CSMD1: variants seen among roughly 807,000 people sequenced by gnomAD.
CSMD1 encodes CUB and sushi domain-containing protein 1.
Under a neutral mutation model 417.5 loss-of-function variants are expected in CSMD1, and 213 were observed. The ratio of observed to expected loss-of-function variants is 0.51; its 90% CI spans 0.46 to 0.57. CSMD1 has a LOEUF of 0.57. Among genes scored for constraint, CSMD1 ranks in the 20% least tolerant of loss-of-function variants. The pLI, the probability that CSMD1 is intolerant of heterozygous loss-of-function variation, is 0.00. For missense variants in CSMD1, 6,923 were observed against 4,529.7 expected (o/e 1.53, Z -15.17); for synonymous variants, 2,862 against 1,736.8 (o/e 1.65, Z -16.11).
intron 5 of CSMD1, among the ~76,000 whole-genome samples, chr8:3,932,813 A>G (rs1404139391): frequency 6.6e-6 from 1 of 150,510 alleles, no homozygotes; most frequent in African/African-American, 2.5e-5. Flanking sequence ...ATAAAAAGTT[A>G]CTAATATATT....
chr8:4,263,623 T>C (rs997611102), intron 3 of CSMD1, among the ~76,000 whole-genome samples: 2 of 152,150 alleles, frequency 1.3e-5, no homozygotes, highest in Non-Finnish European at 1.5e-5. Context: ...AATTGTCAAA[T>C]AGGAAACCAT....
intron 3 of CSMD1, among the ~76,000 whole-genome samples, chr8:4,335,663 G>C (rs1030279749): frequency 6.6e-6 from 1 of 152,090 alleles, no homozygotes; most frequent in Non-Finnish European, 1.5e-5. Flanking sequence ...GTTGCTGGGA[G>C]CATGAAGTAT....
At chr8:3,817,305 G>C (rs945590979) in intron 5 of CSMD1, among the ~76,000 whole-genome samples, 3 of 88,158 alleles carry the variant, frequency 3.4e-5, no homozygotes, top group Non-Finnish European at 6.6e-5. Context: ...TTTTGAGATG[G>C]AGTCTCGCTG....
At chr8:4,028,346 A>C (rs1242185878) in intron 4 of CSMD1, among the ~76,000 whole-genome samples, 1 of 152,108 alleles carries the variant, frequency 6.6e-6, no homozygotes, top group East Asian at 1.9e-4. Flanking sequence ...CCTACTTATG[A>C]AGATTAAATT....
chr8:4,832,144 G>A (rs1800192312), intron 1 of CSMD1, among the ~76,000 whole-genome samples: 1 of 152,066 alleles, frequency 6.6e-6, no homozygotes, highest in South Asian at 2.1e-4. Flanking sequence ...CTGTTTTCCT[G>A]GTATTTTAAT....
chr8:3,476,996 A>C (rs995339178), intron 11 of CSMD1, among the ~76,000 whole-genome samples: 1 of 152,062 alleles, frequency 6.6e-6, no homozygotes, highest in East Asian at 1.9e-4. Context: ...GGGATACTAC[A>C]GTATTTTGAA....
chr8:4,784,068 G>A (rs1457184), intron 1 of CSMD1, among the ~76,000 whole-genome samples: 13,570 of 152,114 alleles, frequency 0.089, 747 homozygotes, highest in East Asian at 0.28. Context: ...TATTTTTGAG[G>A]GATTGTCATA....
chr8:3,854,646 A>G (rs1372121308), intron 5 of CSMD1, among the ~76,000 whole-genome samples: 2 of 151,988 alleles, frequency 1.3e-5, no homozygotes, highest in African/African-American at 4.8e-5. Context: ...ATGATATAGA[A>G]TCTGGACAAT....
At position 4,233,005 on chromosome 8, in the gene CSMD1, G is replaced by A. The variant is rs1000990627; in HGVS notation, c.415+186948C>T. Among the ~76,000 whole-genome samples, 32 of 152,148 alleles carry A rather than the reference G, an allele frequency of 2.1e-4. 1 individual carries two copies. The highest frequency in any genetic ancestry group is 3.9e-4 in the Admixed American group (6 of 15,272). On this transcript the variant is annotated intron_variant, in intron 3 of 69. Transcript: ENST00000635120. ...GAAACAGGAAGAGGATAGACGTGGTGTCATGTCTACATGCACCTGCAGATC... is the reference window on the plus strand; with the variant it reads ...GAAACAGGAAGAGGATAGACGTGGTATCATGTCTACATGCACCTGCAGATC...
chr8:3,300,055 A>G (rs1804268935), intron 25 of CSMD1, among the ~76,000 whole-genome samples: 1 of 152,196 alleles, frequency 6.6e-6, no homozygotes, highest in Non-Finnish European at 1.5e-5. Context: ...AAAATTAAAA[A>G]CAACCTGAAT....
chr8:3,535,549 C>T (rs1223501026), intron 10 of CSMD1, among the ~76,000 whole-genome samples: 2 of 152,020 alleles, frequency 1.3e-5, no homozygotes, highest in Admixed American at 1.3e-4. Flanking sequence ...TGGAAGGGGG[C>T]TGGTGGGTAG....
At chr8:4,828,501 C>G (rs1233952407) in intron 1 of CSMD1, among the ~76,000 whole-genome samples, 1 of 152,034 alleles carries the variant, frequency 6.6e-6, no homozygotes, top group African/African-American at 2.4e-5. Flanking sequence ...GGGGTAAGAT[C>G]CGAAAGCACC....
At chr8:4,353,067 A>G (rs1007031178) in intron 3 of CSMD1, among the ~76,000 whole-genome samples, 1 of 152,328 alleles carries the variant, frequency 6.6e-6, no homozygotes, top group African/African-American at 2.4e-5. Flanking sequence ...GTAAAATCAG[A>G]TATTGTCAAC....
At chr8:4,772,271 G>GTAA (rs1796640701) in intron 1 of CSMD1, among the ~76,000 whole-genome samples, 1 of 152,154 alleles carries the variant, frequency 6.6e-6, no homozygotes, top group African/African-American at 2.4e-5. Context: ...GTCAGCAACA[G>GTAA]TGAACCAGTC....
intron 3 of CSMD1, among the ~76,000 whole-genome samples, chr8:4,233,240 T>C (rs1213088018): frequency 6.6e-6 from 1 of 152,230 alleles, no homozygotes; most frequent in Non-Finnish European, 1.5e-5. Context: ...GTTAACACTG[T>C]TGTGACAGGG....
chr8:4,162,715 A>T (rs1231995737), intron 3 of CSMD1, among the ~76,000 whole-genome samples: 1 of 152,156 alleles, frequency 6.6e-6, no homozygotes, highest in Non-Finnish European at 1.5e-5. Context: ...AGAGTGGTGC[A>T]TTTGTTCCAA....
intron 1 of CSMD1, among the ~76,000 whole-genome samples, chr8:4,895,161 A>T (rs753402540): frequency 3.3e-5 from 5 of 152,198 alleles, no homozygotes; most frequent in Non-Finnish European, 7.3e-5. Flanking sequence ...CTGTACAAAA[A>T]ATAATAACTA....
intron 3 of CSMD1, among the ~76,000 whole-genome samples, chr8:4,284,832 A>T (rs1054866410): frequency 1.8e-4 from 27 of 152,150 alleles, no homozygotes; most frequent in Non-Finnish European, 3.5e-4. Context: ...GTGTTCAAAA[A>T]CAAAACAAAA....
At chr8:3,797,800 T>A (rs1427475319) in intron 5 of CSMD1, among the ~76,000 whole-genome samples, 1 of 151,964 alleles carries the variant, frequency 6.6e-6, no homozygotes, top group Non-Finnish European at 1.5e-5. Context: ...GGTTATTAGG[T>A]AGGTATATGT....
Sources: allele counts gnomAD v4.1 joint callset (sites outside exome capture counted in the v4.1 genomes callset), GRCh38; gene constraint gnomAD v4.1.1; transcripts MANE v1.5; gene names NCBI Gene and HGNC (gene_info 2026-07-23, HGNC 2026-07-21).